CDH12: variants seen among roughly 807,000 people sequenced by gnomAD.
The protein encoded by CDH12 is cadherin 12, also known as cadherin-12.
CDH12 carries 41 observed loss-of-function variants against 74.1 expected under a neutral mutation model. The ratio of observed to expected loss-of-function variants is 0.55; its 90% CI spans 0.43 to 0.72. The LOEUF is 0.72. Ranked by LOEUF, CDH12 falls within the 30% of genes least tolerant of loss-of-function variation. The pLI is 0.00. For missense variants in CDH12, 945 were observed against 977.2 expected (o/e 0.97, Z 0.44); for synonymous variants, 399 against 355.0 (o/e 1.12, Z -1.39).
chr5:22,602,898 T>A (rs1736918074), intron 1 of CDH12, among the ~76,000 whole-genome samples: 1 of 152,186 alleles, frequency 6.6e-6, no homozygotes, highest in African/African-American at 2.4e-5. Flanking sequence ...GAAAATGTTC[T>A]TTATTGATTG....
chr5:21,994,605 C>T (rs1202194238), intron 5 of CDH12, among the ~76,000 whole-genome samples: 1 of 152,114 alleles, frequency 6.6e-6, no homozygotes, highest in Non-Finnish European at 1.5e-5. Flanking sequence ...AACCTTGTTC[C>T]ACATCAAAGT....
intron 3 of CDH12, among the ~76,000 whole-genome samples, chr5:22,214,974 TAA>T (rs1322985858): frequency 3.9e-5 from 6 of 152,128 alleles, no homozygotes; most frequent in African/African-American, 1.4e-4. Context: ...CAAAGCAAAA[TAA>T]GACCATTTTG....
chr5:21,971,182 T>C (rs2150119380), intron 6 of CDH12, among the ~76,000 whole-genome samples: 1 of 152,222 alleles, frequency 6.6e-6, no homozygotes, highest in Non-Finnish European at 1.5e-5. Flanking sequence ...TCCAAATTCT[T>C]AAGTAGATCA....
chr5:22,233,259 G>C (rs957138005), intron 3 of CDH12, among the ~76,000 whole-genome samples: 1 of 151,326 alleles, frequency 6.6e-6, no homozygotes, highest in African/African-American at 2.4e-5. Context: ...ACAATATTGA[G>C]TTTTTCCAAA....
At chr5:22,091,677 T>C (rs530894467) in intron 4 of CDH12, among the ~76,000 whole-genome samples, 3 of 152,124 alleles carry the variant, frequency 2.0e-5, no homozygotes, top group Admixed American at 1.3e-4. Flanking sequence ...CAAGCCACGA[T>C]AGTACAGCAA....
At chr5:22,802,895 G>A (rs1322545348) in intron 1 of CDH12, among the ~76,000 whole-genome samples, 4 of 151,960 alleles carry the variant, frequency 2.6e-5, no homozygotes, top group Admixed American at 2.6e-4. Context: ...TCCTATTTTT[G>A]TTTAATATGG....
chr5:21,934,988 G>A (rs908851292), intron 6 of CDH12, among the ~76,000 whole-genome samples: 5 of 152,134 alleles, frequency 3.3e-5, no homozygotes, highest in South Asian at 2.1e-4. Flanking sequence ...GGGTTTCATC[G>A]TGTTAGCCAG....
At chr5:22,769,283 G>A (rs1368868448) in intron 1 of CDH12, among the ~76,000 whole-genome samples, 1 of 152,162 alleles carries the variant, frequency 6.6e-6, no homozygotes. Flanking sequence ...CTAGAACAAA[G>A]CAGGTAGAAG....
chr5:22,041,302 C>T (rs1040963978), intron 5 of CDH12, among the ~76,000 whole-genome samples: 19 of 151,988 alleles, frequency 1.3e-4, no homozygotes, highest in African/African-American at 4.6e-4. Context: ...GACAAAATGG[C>T]AGTAGTAAGT....
intron 1 of CDH12, among the ~76,000 whole-genome samples, chr5:22,765,929 T>A (rs959552424): frequency 1.3e-5 from 2 of 151,752 alleles, no homozygotes; most frequent in Non-Finnish European, 2.9e-5. Context: ...CGTACAAATC[T>A]AAAATGAAAT....
At chr5:22,066,376 G>C (rs1342909545) in intron 5 of CDH12, among the ~76,000 whole-genome samples, 1 of 152,004 alleles carries the variant, frequency 6.6e-6, no homozygotes, top group African/African-American at 2.4e-5. Context: ...CTGTACTTTG[G>C]GGAAAAGAAA....
intron 4 of CDH12, chr5:22,172,628 G>C (rs1749095304): frequency 6.6e-6 from 1 of 151,804 alleles, no homozygotes; most frequent in Non-Finnish European, 1.5e-5. Context: ...CTTTGTGAAT[G>C]AATGTGGTTT....
At chr5:21,791,441 C>T (rs1430282999) in intron 10 of CDH12, among the ~76,000 whole-genome samples, 1 of 151,922 alleles carries the variant, frequency 6.6e-6, no homozygotes, top group Non-Finnish European at 1.5e-5. Context: ...AGTCTACTTA[C>T]AATCTAAGGA....
At chr5:22,081,012 C>T (rs1239106740) in intron 4 of CDH12, among the ~76,000 whole-genome samples, 1 of 152,104 alleles carries the variant, frequency 6.6e-6, no homozygotes, top group African/African-American at 2.4e-5. Context: ...ATCTCCTGAC[C>T]TCATGATCCA....
chr5:21,814,156 T>C (rs976713757), intron 9 of CDH12, among the ~76,000 whole-genome samples: 47 of 147,968 alleles, frequency 3.2e-4, no homozygotes, highest in Non-Finnish European at 5.7e-4. Flanking sequence ...TGTGTGTGTG[T>C]GTGTGTGTGT....
At chr5:21,955,237 T>C (rs536975490) in intron 6 of CDH12, among the ~76,000 whole-genome samples, 1 of 152,124 alleles carries the variant, frequency 6.6e-6, no homozygotes, top group South Asian at 2.1e-4. Flanking sequence ...GGGTAGAGAT[T>C]TGTGGAGCTA....
At chr5:22,525,714 A>G in intron 1 of CDH12, among the ~76,000 whole-genome samples, 1 of 152,074 alleles carries the variant, frequency 6.6e-6, no homozygotes. Context: ...CCCTCAGAGA[A>G]GCAACTTCGG....
chr5:22,047,108 C>A (rs918411091), intron 5 of CDH12, among the ~76,000 whole-genome samples: 1 of 152,168 alleles, frequency 6.6e-6, no homozygotes, highest in Non-Finnish European at 1.5e-5. Context: ...TTTAAGCAAG[C>A]TGGTCTCCTG....
At chr5:22,456,798 G>A (rs903762137) in intron 2 of CDH12, among the ~76,000 whole-genome samples, 1 of 152,172 alleles carries the variant, frequency 6.6e-6, no homozygotes, top group African/African-American at 2.4e-5. Flanking sequence ...TCACCTAGCA[G>A]TACAGGATCT....
Sources: allele counts gnomAD v4.1 joint callset (sites outside exome capture counted in the v4.1 genomes callset), GRCh38; gene constraint gnomAD v4.1.1; transcripts MANE v1.5; gene names NCBI Gene and HGNC (gene_info 2026-07-23, HGNC 2026-07-21).